ACBD6: variants seen among roughly 807,000 people sequenced by gnomAD.
ACBD6 encodes acyl-CoA binding domain containing 6.
ACBD6 carries 28 observed loss-of-function variants against 37.2 expected under a neutral mutation model. The ratio of observed to expected loss-of-function variants is 0.75; its 90% CI spans 0.56 to 1.03. The LOEUF (loss-of-function observed/expected upper bound fraction) is 1.03. ACBD6 is among the 50% of genes least tolerant of loss of function. The pLI, the probability that ACBD6 is intolerant of heterozygous loss-of-function variation, is 0.00. For synonymous variants in ACBD6, 113 were observed against 126.8 expected (o/e 0.89, Z 0.73); for missense variants, 340 against 337.4 (o/e 1.01, Z -0.06).
At chr1:180,465,964 T>C (rs985427909) in intron 3 of ACBD6, among the ~76,000 whole-genome samples, 5 of 151,016 alleles carry the variant, frequency 3.3e-5, no homozygotes, top group Admixed American at 6.6e-5. Flanking sequence ...TAAGAACTTA[T>C]GAACACAAGG....
chr1:180,472,507 G>T (rs186623537), intron 3 of ACBD6, among the ~76,000 whole-genome samples: 4 of 152,242 alleles, frequency 2.6e-5, no homozygotes, highest in Admixed American at 1.3e-4. Flanking sequence ...AAACACAAAG[G>T]CAGGCTGGGT....
At chr1:180,407,643 T>C (rs188706956) in intron 5 of ACBD6, among the ~76,000 whole-genome samples, 12 of 152,316 alleles carry the variant, frequency 7.9e-5, no homozygotes, top group Non-Finnish European at 1.6e-4. Flanking sequence ...TAAAATCTAG[T>C]GGTAGGAAGA....
At chr1:180,353,022 G>A (rs182786030) in intron 6 of ACBD6, among the ~76,000 whole-genome samples, 175 of 152,272 alleles carry the variant, frequency 1.1e-3, no homozygotes, top group African/African-American at 4.1e-3. Flanking sequence ...AGTCTTACCT[G>A]ATCACTGTTT....
At chr1:180,351,624 T>C (rs1262253522) in intron 6 of ACBD6, among the ~76,000 whole-genome samples, 1 of 147,494 alleles carries the variant, frequency 6.8e-6, no homozygotes, top group East Asian at 2.0e-4. Context: ...GAGATACCAC[T>C]TCACATCTCT....
At chr1:180,426,471 C>T (rs563330295) in intron 4 of ACBD6, among the ~76,000 whole-genome samples, 2 of 152,246 alleles carry the variant, frequency 1.3e-5, no homozygotes, top group South Asian at 4.1e-4. Context: ...ACTTTTTCTG[C>T]CCATCTGCGG....
At chr1:180,305,981 A>G (rs1400403566) in intron 7 of ACBD6, among the ~76,000 whole-genome samples, 1 of 151,942 alleles carries the variant, frequency 6.6e-6, no homozygotes, top group African/African-American at 2.4e-5. Context: ...CACCATTCGC[A>G]GCAAACTATC....
At chr1:180,441,416 C>T (rs1214083734) in intron 3 of ACBD6, among the ~76,000 whole-genome samples, 1 of 152,058 alleles carries the variant, frequency 6.6e-6, no homozygotes, top group Non-Finnish European at 1.5e-5. Context: ...TTTTTCAATA[C>T]TTTGACTATT....
At chr1:180,335,091 G>A (rs1285225421) in intron 6 of ACBD6, among the ~76,000 whole-genome samples, 6 of 152,260 alleles carry the variant, frequency 3.9e-5, no homozygotes, top group Admixed American at 2.6e-4. Flanking sequence ...CACTCTGCAG[G>A]ATATTATCCA....
At chr1:180,275,962 G>A (rs1400907962) in intron 9 of ACBD6, 1 of 152,292 alleles carries the variant, frequency 6.6e-6, no homozygotes, top group Non-Finnish European at 1.5e-5. Flanking sequence ...CTGCACTGCT[G>A]TGGGAAACGC....
intron 6 of ACBD6, among the ~76,000 whole-genome samples, chr1:180,345,641 C>T (rs1048163882): frequency 2.6e-5 from 4 of 151,962 alleles, no homozygotes; most frequent in South Asian, 2.1e-4. Context: ...TCGATTATTA[C>T]GCAGCAATTT....
At chr1:180,333,901 C>T (rs1045012645) in intron 6 of ACBD6, among the ~76,000 whole-genome samples, 91 of 152,340 alleles carry the variant, frequency 6.0e-4, no homozygotes, top group African/African-American at 1.5e-3. Flanking sequence ...CCTATGCCCA[C>T]GGAGCCTCGC....
At chr1:180,493,674 T>C (rs1651615914) in intron 2 of ACBD6, among the ~76,000 whole-genome samples, 1 of 152,186 alleles carries the variant, frequency 6.6e-6, no homozygotes, top group South Asian at 2.1e-4. Context: ...TCAATTACTA[T>C]TATACAATAT....
intron 6 of ACBD6, among the ~76,000 whole-genome samples, chr1:180,378,542 C>T (rs1653525917): frequency 1.3e-5 from 2 of 152,178 alleles, no homozygotes; most frequent in African/African-American, 2.4e-5. Context: ...GAGTAGTATA[C>T]AGGAACTCTG....
At position 180,332,835 on chromosome 1, in the gene ACBD6, T is replaced by C. The variant is rs186131699; in HGVS notation, c.664-18113A>G. On this transcript the variant is annotated intron_variant, in intron 6 of 7. Transcript: ENST00000367595. ...AAACCTGTCCCTGGTGTCAAAAAGGTTGGGGACCACTGAGTTAGATAAATG... is the reference window on the plus strand; with the variant it reads ...AAACCTGTCCCTGGTGTCAAAAAGGCTGGGGACCACTGAGTTAGATAAATG... Among the ~76,000 whole-genome samples the C allele has an allele frequency of 2.2e-3, 330 of 152,304 alleles. 1 individual carries two copies. The Middle Eastern group carries it at 0.027, about 13-fold the overall frequency.
intron 3 of ACBD6, among the ~76,000 whole-genome samples, chr1:180,481,516 C>T (rs1206655453): frequency 6.6e-6 from 1 of 152,154 alleles, no homozygotes; most frequent in African/African-American, 2.4e-5. Flanking sequence ...AATTCACTTT[C>T]CCTGTGTATA....
intron 3 of ACBD6, among the ~76,000 whole-genome samples, chr1:180,459,141 TC>T (rs1650029327): frequency 6.6e-6 from 1 of 152,158 alleles, no homozygotes; most frequent in Non-Finnish European, 1.5e-5. Context: ...CATTAGACAA[TC>T]TGGTAGTCTA....
chr1:180,482,932 GT>G (rs760993300), intron 3 of ACBD6, among the ~76,000 whole-genome samples: 1 of 152,002 alleles, frequency 6.6e-6, no homozygotes, highest in Non-Finnish European at 1.5e-5. Context: ...TTGAATTTTT[GT>G]TTCCATAAGC....
At chr1:180,455,680 A>T (rs542198943) in intron 3 of ACBD6, among the ~76,000 whole-genome samples, 1 of 152,330 alleles carries the variant, frequency 6.6e-6, no homozygotes, top group South Asian at 2.1e-4. Context: ...TTACTTTAAT[A>T]GGTAATCCCC....
At chr1:180,403,558 T>A (rs1647478805) in intron 5 of ACBD6, among the ~76,000 whole-genome samples, 1 of 152,172 alleles carries the variant, frequency 6.6e-6, no homozygotes, top group Admixed American at 6.5e-5. Context: ...AAAATTCAAC[T>A]TCTCTGTATG....
Sources: allele counts gnomAD v4.1 joint callset (sites outside exome capture counted in the v4.1 genomes callset), GRCh38; gene constraint gnomAD v4.1.1; transcripts MANE v1.5; gene names NCBI Gene and HGNC (gene_info 2026-07-23, HGNC 2026-07-21).